SENP7: variants seen among roughly 807,000 people sequenced by gnomAD.
The protein encoded by SENP7 is SUMO specific peptidase 7.
In SENP7, 64 loss-of-function variants were observed where a neutral mutation model predicts 141.2. The ratio of observed to expected loss-of-function variants is 0.45; its 90% CI spans 0.37 to 0.56. SENP7 has a LOEUF of 0.56. Ranked by LOEUF, SENP7 falls within the 20% of genes least tolerant of loss-of-function variation. The probability of loss-of-function intolerance (pLI) is 0.00; values close to 1 mark genes in which losing one functional copy is unlikely to be tolerated. For synonymous variants in SENP7, 382 were observed against 426.4 expected, an observed-to-expected ratio of 0.90 and a Z score of 1.28; for missense variants, 1,025 against 1,212.2, an observed-to-expected ratio of 0.85 and a Z score of 2.29.
intron 12 of SENP7, 66 bp downstream of exon 12, chr3:101,351,552 G>A (rs2059613697): frequency 8.4e-7 from 1 of 1,197,118 alleles, no homozygotes; most frequent in Non-Finnish European, 1.1e-6. Context: ...ATTAAACTTA[G>A]TTTTACTTAA....
At chr3:101,446,515 G>A (rs2062902522) in intron 4 of SENP7, among the ~76,000 whole-genome samples, 1 of 152,068 alleles carries the variant, frequency 6.6e-6, no homozygotes, top group Non-Finnish European at 1.5e-5. Flanking sequence ...CCTATGAAAG[G>A]ACACAAAACA....
intron 4 of SENP7, among the ~76,000 whole-genome samples, chr3:101,430,871 G>T (rs1221773501): frequency 6.6e-6 from 1 of 152,104 alleles, no homozygotes; most frequent in Non-Finnish European, 1.5e-5. Context: ...AGAGATTCTG[G>T]TATGTTGTGC....
intron 3 of SENP7, among the ~76,000 whole-genome samples, chr3:101,493,244 T>C (rs2065032025): frequency 6.6e-6 from 1 of 152,028 alleles, no homozygotes; most frequent in African/African-American, 2.4e-5. Flanking sequence ...TTTCAGAGGT[T>C]GGAGGATGGG....
intron 10 of SENP7, 104 bp from the exon 11 acceptor site, chr3:101,361,965 T>C (rs2059914017): frequency 7.8e-7 from 1 of 1,287,478 alleles, no homozygotes; most frequent in Non-Finnish European, 1.0e-6. Context: ...TATTAGTGAA[T>C]TTTTGAAGAA....
chr3:101,459,926 T>A (rs1264130831), intron 3 of SENP7, among the ~76,000 whole-genome samples: 3 of 152,064 alleles, frequency 2.0e-5, no homozygotes, highest in Admixed American at 1.3e-4. Context: ...AGAAAAAAAA[T>A]TCCACTTACA....
At chr3:101,332,399 A>AT (rs529860207) in intron 18 of SENP7, among the ~76,000 whole-genome samples, 6 of 151,788 alleles carry the variant, frequency 4.0e-5, no homozygotes, top group African/African-American at 7.3e-5. Flanking sequence ...TCATAGCATT[A>AT]TTTTTTTTGT....
chr3:101,332,694 T>C, intron 18 of SENP7, 76 bp downstream of exon 18: 1 of 933,302 alleles, frequency 1.1e-6, no homozygotes, highest in African/African-American at 1.7e-5. Context: ...TTTTTACTGA[T>C]TATGAATCTA....
chr3:101,439,266 G>A (rs759031582), intron 4 of SENP7, among the ~76,000 whole-genome samples: 57 of 102,686 alleles, frequency 5.6e-4, no homozygotes, highest in Middle Eastern at 5.6e-3. Context: ...CGGCCGCCCC[G>A]TCTGAGAAGT....
At position 101,467,220 on chromosome 3, in the gene SENP7, C is replaced by T. The variant is rs533627558; in HGVS notation, c.187-8168G>A. On this transcript the variant is annotated intron_variant, in intron 3 of 23. Coordinates refer to ENST00000394095, the MANE Select transcript of SENP7 (RefSeq NM_020654.5). ...CAGAGCCCACCACAGTTCAACAAGGCCTACTGCCTCTAGACTCCACCTCTG... is the reference window on the plus strand; with the variant it reads ...CAGAGCCCACCACAGTTCAACAAGGTCTACTGCCTCTAGACTCCACCTCTG... 9.8e-5 allele frequency among the ~76,000 whole-genome samples: 15 copies of T among 152,358 alleles called. No homozygotes were observed. In the East Asian group the frequency reaches 2.5e-3, roughly 25 times the overall value.
rs377324148 is a variant in SENP7 at position 101,461,593 on chromosome 3, GA to G, written c.187-2542del. Among the ~76,000 whole-genome samples, 767 of 142,092 alleles carry G rather than the reference GA, an allele frequency of 5.4e-3. 5 individuals are homozygous for G. Among genetic ancestry groups the G allele is most frequent in the African/African-American group, 0.018 (711 of 39,108 alleles). 93.2% of individuals were successfully genotyped at this position (142,092 alleles called of 152,430 possible). A position where few individuals can be genotyped will look rare whatever the true frequency, so the allele number is the denominator to read the frequency against. ...AATGTAAATGGTACAGGTACCGTAA[GA>G]AAAAAAAAAACAGTATTGCAGTTCC... On this transcript the variant is annotated intron_variant, in intron 3 of 23. Coordinates refer to ENST00000394095, the MANE Select transcript of SENP7 (RefSeq NM_020654.5).
intron 5 of SENP7, among the ~76,000 whole-genome samples, chr3:101,410,702 G>A (rs767591707): frequency 1.8e-4 from 28 of 151,822 alleles, no homozygotes; most frequent in Middle Eastern, 3.2e-3. Flanking sequence ...AAGATTAGCC[G>A]GGCATGGTGG....
intron 2 of SENP7, among the ~76,000 whole-genome samples, chr3:101,496,093 AAT>A (rs2065148214): frequency 1.3e-5 from 2 of 152,214 alleles, no homozygotes; most frequent in Non-Finnish European, 2.9e-5. Flanking sequence ...TCTATTTTTT[AAT>A]ATGTTTCTTA....
intron 1 of SENP7, among the ~76,000 whole-genome samples, chr3:101,506,648 T>C (rs1341803287): frequency 6.6e-6 from 1 of 152,106 alleles, no homozygotes; most frequent in African/African-American, 2.4e-5. Flanking sequence ...GAATATATGA[T>C]GGAATCTGAT....
At chr3:101,398,572 T>G (rs1272850520) in intron 6 of SENP7, among the ~76,000 whole-genome samples, 2 of 152,174 alleles carry the variant, frequency 1.3e-5, no homozygotes, top group East Asian at 3.8e-4. Context: ...GGAATGGATT[T>G]CAATTACACC....
chr3:101,352,222 T>C (rs1425712973), intron 11 of SENP7, among the ~76,000 whole-genome samples: 1 of 152,028 alleles, frequency 6.6e-6, no homozygotes, highest in Non-Finnish European at 1.5e-5. Context: ...ATTTTAAAAT[T>C]TGCTTTTACC....
At chr3:101,430,996 G>A (rs1021769987) in intron 4 of SENP7, among the ~76,000 whole-genome samples, 2 of 152,160 alleles carry the variant, frequency 1.3e-5, no homozygotes, top group African/African-American at 2.4e-5. Flanking sequence ...CAGTATGAGC[G>A]GGTTTCTTAA....
intron 1 of SENP7, 44 bp downstream of exon 1, chr3:101,513,047 G>A (rs1450503111): frequency 6.2e-7 from 1 of 1,602,956 alleles, no homozygotes; most frequent in Admixed American, 1.7e-5. Flanking sequence ...CGTTTCCCCC[G>A]GGTAGGAGAC....
chr3:101,420,126 G>A (rs1311984502), intron 4 of SENP7, among the ~76,000 whole-genome samples: 1 of 152,192 alleles, frequency 6.6e-6, no homozygotes, highest in African/African-American at 2.4e-5. Flanking sequence ...CCAGCACTTT[G>A]GGAGGCCAAG....
At chr3:101,333,118 T>G (rs957034744) in intron 17 of SENP7, 3 of 411,592 alleles carry the variant, frequency 7.3e-6, no homozygotes, top group Non-Finnish European at 1.3e-5. Context: ...ATTCCAAAAC[T>G]GGCTGTGCAA....
Sources: gnomAD v4.1 joint callset for allele counts (sites outside exome capture counted in the v4.1 genomes callset) on GRCh38, gnomAD v4.1.1 for gene constraint, MANE v1.5 for transcripts, NCBI Gene and HGNC (gene_info 2026-07-23, HGNC 2026-07-21) for gene names.